COL21A1: variants seen among roughly 807,000 people sequenced by gnomAD.
The protein encoded by COL21A1 is collagen alpha-1(XXI) chain.
Under a neutral mutation model 137.9 loss-of-function variants are expected in COL21A1, and 149 were observed. That is an observed-to-expected ratio of 1.08 (90% CI 0.95 to 1.24). COL21A1 has a LOEUF of 1.24. Ranked by LOEUF, COL21A1 falls within the 50% of genes most tolerant of loss-of-function variation. COL21A1 has a pLI of 0.00. For missense variants in COL21A1, 1,167 were observed against 1,158.4 expected (o/e 1.01, Z -0.11); for synonymous variants, 456 against 391.5 (o/e 1.16, Z -1.95).
intron 27 of COL21A1, 51 bp downstream of exon 27, chr6:56,060,690 T>C (rs1487323049): frequency 4.6e-5 from 67 of 1,450,468 alleles, no homozygotes; most frequent in Non-Finnish European, 6.1e-5. Context: ...AGAATTTGTA[T>C]TACTTTTGTA....
intron 1 of COL21A1, among the ~76,000 whole-genome samples, chr6:56,266,287 G>T (rs940620865): frequency 6.6e-6 from 1 of 152,162 alleles, no homozygotes; most frequent in Non-Finnish European, 1.5e-5. Context: ...AGTACTGAAC[G>T]TTCTAGACAA....
chr6:56,312,416 C>A (rs974897896), intron 1 of COL21A1, among the ~76,000 whole-genome samples: 7 of 152,152 alleles, frequency 4.6e-5, no homozygotes, highest in African/African-American at 1.7e-4. Flanking sequence ...TGACTCCCAG[C>A]TTTCAGGCAC....
At chr6:56,364,871 CAAG>C (rs1393902335) in intron 1 of COL21A1, among the ~76,000 whole-genome samples, 2 of 151,814 alleles carry the variant, frequency 1.3e-5, no homozygotes, top group Non-Finnish European at 2.9e-5. Flanking sequence ...AAGGCTTATA[CAAG>C]AAGGATTATA....
chr6:56,191,812 C>G (rs72876033), intron 1 of COL21A1, among the ~76,000 whole-genome samples: 1 of 151,320 alleles, frequency 6.6e-6, no homozygotes, highest in Admixed American at 6.6e-5. Flanking sequence ...AATGGCCACA[C>G]TGCCCATTGC....
intron 10 of COL21A1, among the ~76,000 whole-genome samples, chr6:56,148,338 C>CAGACAGAGAGAGAGAGAGAG (rs1554145108): frequency 1.5e-5 from 2 of 133,176 alleles, no homozygotes; most frequent in Admixed American, 7.6e-5. Context: ...AGACAAGAGA[C>CAGACAGAGAGAGAGAGAGAG]AGAGAGAGAG....
chr6:56,070,037 T>C (rs1766608402), intron 21 of COL21A1, among the ~76,000 whole-genome samples: 1 of 151,530 alleles, frequency 6.6e-6, no homozygotes, highest in Non-Finnish European at 1.5e-5. Context: ...GTTTTTTGTT[T>C]TAAAGTCTTA....
intron 17 of COL21A1, chr6:56,078,109 A>C (rs1767402530): frequency 2.2e-6 from 1 of 455,808 alleles, no homozygotes; most frequent in African/African-American, 2.0e-5. Context: ...AATCATGAAG[A>C]ATATGAAGAC....
At chr6:56,364,350 T>C (rs1766048640) in intron 1 of COL21A1, among the ~76,000 whole-genome samples, 1 of 152,222 alleles carries the variant, frequency 6.6e-6, no homozygotes, top group Non-Finnish European at 1.5e-5. Flanking sequence ...TCTACCTCCA[T>C]GGAAACAAAC....
intron 12 of COL21A1, among the ~76,000 whole-genome samples, chr6:56,130,780 A>C (rs1386419018): frequency 6.6e-6 from 1 of 152,142 alleles, no homozygotes; most frequent in Non-Finnish European, 1.5e-5. Context: ...AAAGAAGGAG[A>C]GAGCGAGCAG....
intron 1 of COL21A1, among the ~76,000 whole-genome samples, chr6:56,277,879 A>G (rs1763704684): frequency 6.6e-6 from 1 of 152,240 alleles, no homozygotes; most frequent in Admixed American, 6.5e-5. Flanking sequence ...AAGGAACAGT[A>G]TTTGTACTAA....
chr6:56,275,484 G>A (rs1025463659), intron 1 of COL21A1, among the ~76,000 whole-genome samples: 17 of 151,808 alleles, frequency 1.1e-4, no homozygotes, highest in Admixed American at 4.6e-4. Flanking sequence ...TCTAATATCC[G>A]GAATTTATAA....
chr6:56,272,769 A>ACT (rs1360918230), intron 1 of COL21A1, among the ~76,000 whole-genome samples: 2 of 149,320 alleles, frequency 1.3e-5, no homozygotes, highest in South Asian at 2.1e-4. Context: ...TTTCCCCTGA[A>ACT]CTCTCTCTCT....
intron 1 of COL21A1, among the ~76,000 whole-genome samples, chr6:56,267,737 A>G (rs1475412367): frequency 7.5e-6 from 1 of 132,720 alleles, no homozygotes; most frequent in African/African-American, 2.9e-5. Context: ...AGCCTGGGCA[A>G]CAGAGCAAGA....
chr6:56,287,736 T>G (rs1763949378), intron 1 of COL21A1, among the ~76,000 whole-genome samples: 1 of 152,042 alleles, frequency 6.6e-6, no homozygotes, highest in Non-Finnish European at 1.5e-5. Flanking sequence ...ACAGAGGAAA[T>G]AAGATTTCTA....
chr6:56,255,292 CT>C (rs964114045), intron 1 of COL21A1, among the ~76,000 whole-genome samples: 8 of 150,472 alleles, frequency 5.3e-5, no homozygotes, highest in Non-Finnish European at 8.9e-5. Context: ...GGTATAAAAT[CT>C]TTTTTTCCTA....
chr6:56,288,416 C>A (rs1021883915), intron 1 of COL21A1, among the ~76,000 whole-genome samples: 2 of 151,896 alleles, frequency 1.3e-5, no homozygotes, highest in Admixed American at 6.6e-5. Context: ...ATAGCGAAAT[C>A]ATAAAAAGTA....
At chr6:56,316,469 T>C (rs1764737791) in intron 1 of COL21A1, among the ~76,000 whole-genome samples, 1 of 129,720 alleles carries the variant, frequency 7.7e-6, no homozygotes, top group Non-Finnish European at 1.6e-5. Flanking sequence ...TTTAAAATTC[T>C]AAATAGACTT....
chr6:56,233,743 C>CAAAA (rs35925060), intron 1 of COL21A1, among the ~76,000 whole-genome samples: 3 of 146,008 alleles, frequency 2.1e-5, no homozygotes, highest in Non-Finnish European at 1.5e-5. Flanking sequence ...CTTGAATAGG[C>CAAAA]AAAAAAAAAA....
chr6:56,195,009 C>T (rs1210172009), intron 1 of COL21A1, among the ~76,000 whole-genome samples: 3 of 151,980 alleles, frequency 2.0e-5, no homozygotes, highest in African/African-American at 7.3e-5. Context: ...GGACTGGTGG[C>T]TTTATGAAAA....
Sources: gnomAD v4.1 joint callset for allele counts (sites outside exome capture counted in the v4.1 genomes callset) on GRCh38, gnomAD v4.1.1 for gene constraint, MANE v1.5 for transcripts, NCBI Gene and HGNC (gene_info 2026-07-23, HGNC 2026-07-21) for gene names.